Variants in PCDHGA8 observed in about 807,000 individuals in gnomAD.
PCDHGA8 encodes the protein protocadherin gamma subfamily A, 8, also known as protocadherin gamma-A8.
Under a neutral mutation model 59.2 loss-of-function variants are expected in PCDHGA8, and 45 were observed. That is an observed-to-expected ratio of 0.76 (90% confidence interval 0.60 to 0.98). The LOEUF (loss-of-function observed/expected upper bound fraction) is 0.98. Among genes scored for constraint, PCDHGA8 ranks in the 50% least tolerant of loss-of-function variants. The pLI is 0.00. For synonymous variants in PCDHGA8, 531 were observed against 519.0 expected (o/e 1.02, Z -0.32); for missense variants, 1,257 against 1,196.2 (o/e 1.05, Z -0.75).
chr5:141,465,800 C>G (rs1486100601), intron 1 of PCDHGA8, among the ~76,000 whole-genome samples: 2 of 151,524 alleles, frequency 1.3e-5, no homozygotes, highest in East Asian at 3.9e-4. Flanking sequence ...TTTAAGAAAC[C>G]CTTCAGGATC....
chr5:141,478,977 T>G (rs1004184325), intron 1 of PCDHGA8, among the ~76,000 whole-genome samples: 12 of 152,210 alleles, frequency 7.9e-5, no homozygotes, highest in Admixed American at 5.2e-4. Flanking sequence ...TTCAAGTGAT[T>G]GTGACATTTG....
Position 141,511,390 on chromosome 5 carries a change from C to T in PCDHGA8, c.*217C>T, listed in dbSNP as rs2099883760. 1.8e-6 allele frequency: 2 copies of T among 1,101,460 alleles called. No individual in the cohort carries two copies. Among genetic ancestry groups the T allele is most frequent in the Admixed American group, 2.9e-5 (1 of 34,440 alleles). The allele number at this position is 1,101,460 out of a possible 1,614,324, so 68.2% of individuals were successfully genotyped here. A position where few individuals can be genotyped will look rare whatever the true frequency, so the allele number is the denominator to read the frequency against. On this transcript the variant is annotated 3_prime_UTR_variant, in exon 4 of 4. Transcript: ENST00000398604. ...ATGCAAAAGCAGTTCCGCTGGGAAC[C>T]CCCATCCAATCAACTGCTGTACCCA... is the stretch of plus-strand genomic sequence containing the variant.
chr5:141,421,243 C>T (rs201273667), intron 1 of PCDHGA8: 12 of 1,601,540 alleles, frequency 7.5e-6, no homozygotes, highest in Non-Finnish European at 1.0e-5. Flanking sequence ...GAATCGGCTA[C>T]AGCGCGGGGA....
rs1414210927 is a variant in PCDHGA8, at chr5:141,477,460, C to G, written c.2425-17347C>G. 1.9e-6 allele frequency: 3 copies of G among 1,614,014 alleles called. No homozygotes were observed. The highest frequency in any genetic ancestry group is 2.5e-6 in the Non-Finnish European group (3 of 1,180,028). On this transcript the variant is annotated intron_variant, in intron 1 of 3. Transcript: ENST00000398604. The surrounding 1 kb of genome is among the most constrained non-coding windows in gnomAD (Gnocchi z 4.9). ...TTACAATAGTGCGTGTTCAAGTGTC[C>G]GACATCAATGACAACCCTCCACAAT...
Position 141,395,065 on chromosome 5 carries a change from A to G in PCDHGA8, c.2252A>G (p.Gln751Arg). The change falls in exon 1 of 4, where the codon CAG becomes CGG. Residue 751 changes from glutamine (Q) to arginine (R), a missense_variant. Physicochemically the swap from Gln to Arg is conservative, Grantham distance 43. Transcript: ENST00000398604. ...GTTGAGGAGGTACAGGCTTTCCTGC[A>G]GACCTATTCCCAGGAAGTCTCCCTC... The part of the protein sequence containing the change: ...VGVEEVQAFL[Q>R]TYSQEVSLTA... 1 of 1,614,132 alleles carries G rather than the reference A, an allele frequency of 6.2e-7. No homozygotes were observed. Among genetic ancestry groups the G allele is most frequent in the South Asian group, 1.1e-5 (1 of 91,078 alleles).
At position 141,511,199 on chromosome 5, in the gene PCDHGA8, G is replaced by C. The variant is rs1303066281; in HGVS notation, c.*26G>C. On this transcript the variant is annotated 3_prime_UTR_variant, in exon 4 of 4. Coordinates refer to ENST00000398604, the MANE Select transcript of PCDHGA8 (RefSeq NM_032088.2). The stretch of plus-strand genomic sequence containing the variant: ...CATGGAGGCCAGGCCAAGAGCCACA[G>C]GGCGGCCTCTCCCCAACCAGCCCAG... 6.2e-6 allele frequency: 10 copies of C among 1,612,868 alleles called. No individual in the cohort carries two copies. In the East Asian group the frequency reaches 2.2e-4, roughly 36 times the overall value.
chr5:141,433,194 A>G (rs1170543558), intron 1 of PCDHGA8: 18 of 1,585,754 alleles, frequency 1.1e-5, no homozygotes, highest in Non-Finnish European at 1.5e-5. Context: ...GTGAGTTTAT[A>G]TCAAATCTTC....
intron 1 of PCDHGA8, chr5:141,423,330 C>G (rs932335651): frequency 9.9e-6 from 16 of 1,614,056 alleles, no homozygotes; most frequent in Middle Eastern, 1.6e-4. Flanking sequence ...TGGCCGCAGT[C>G]TCCTGCATCT....
chr5:141,393,268 A>C lies in PCDHGA8; in HGVS notation c.455A>C (p.Tyr152Ser). Residue 152 changes from tyrosine (Y) to serine (S), a missense_variant, in exon 1 of 4, where the codon TAT becomes TCT. By Grantham distance (144) the Tyr-to-Ser change is moderately radical (BLOSUM62 -2). Coordinates refer to ENST00000398604, the MANE Select transcript of PCDHGA8 (RefSeq NM_032088.2). ...INEIAVPGAR[Y>S]PLPEAVDPDV... ...GAAATCGCGGTTCCTGGAGCACGTT[A>C]TCCACTCCCAGAAGCTGTTGACCCG... 6.2e-7 allele frequency: 1 copy of C among 1,613,946 alleles called. No individual in the cohort carries two copies. Among genetic ancestry groups the C allele is most frequent in the South Asian group, 1.1e-5 (1 of 91,088 alleles).
intron 3 of PCDHGA8, chr5:141,507,213 G>C (rs1016967764): frequency 6.6e-6 from 1 of 152,558 alleles, no homozygotes; most frequent in African/African-American, 2.4e-5. Context: ...AGGGTTGCCA[G>C]ATAAAATACA....
chr5:141,415,077 A>C, intron 1 of PCDHGA8: 2 of 1,613,468 alleles, frequency 1.2e-6, no homozygotes, highest in Non-Finnish European at 1.7e-6. Flanking sequence ...GCACGGCGCG[A>C]GCCCTGCTGG....
chr5:141,495,005 C>A, intron 2 of PCDHGA8, 140 bp downstream of exon 2: 1 of 1,522,810 alleles, frequency 6.6e-7, no homozygotes. Context: ...TCTTGGTGTG[C>A]GGGGGGCTGG....
chr5:141,511,265 A>G lies in PCDHGA8; in HGVS notation c.*92A>G. On this transcript the variant is annotated 3_prime_UTR_variant, in exon 4 of 4. Coordinates refer to ENST00000398604, the MANE Select transcript of PCDHGA8 (RefSeq NM_032088.2). ...ACCCAGGCCTCAGAGTTTCAGGGCT[A>G]ACCCCCAGAATACTGGTAGGGGCCA... The G allele has an allele frequency of 6.4e-7, 1 of 1,551,730 alleles. No individual in the cohort carries two copies. Among genetic ancestry groups the G allele is most frequent in the South Asian group, 1.2e-5 (1 of 83,132 alleles).
intron 1 of PCDHGA8, chr5:141,478,153 T>G (rs1477175391): frequency 3.1e-6 from 5 of 1,613,934 alleles, no homozygotes; most frequent in Middle Eastern, 1.6e-4. Flanking sequence ...AGTTCCCCTC[T>G]GGCTCTGCCC....
rs754747902 is a variant in PCDHGA8 at position 141,417,898 on chromosome 5, G to T, written c.2424+22661G>T. The T allele has an allele frequency of 5.5e-5, 87 of 1,579,262 alleles. 1 individual carries two copies. The South Asian group carries it at 7.8e-4, about 14-fold the overall frequency. The stretch of plus-strand genomic sequence containing the variant: ...GCGCGCAGAGGCGCCGGGCCGGCCC[G>T]CGGCAGGTACTATTTCCTTTGCTGC... On this transcript the variant is annotated intron_variant, in intron 1 of 3. Coordinates refer to ENST00000398604, the MANE Select transcript of PCDHGA8 (RefSeq NM_032088.2).
Position 141,511,029 on chromosome 5 carries a change from G to A in PCDHGA8, c.2655G>A (p.Leu885=), listed in dbSNP as rs1372346241. The part of the protein sequence containing the change: ...LSARYGPQFT[L]QHVPDYRQNV... ...CCCGCTACGGACCCCAGTTCACCCT[G>A]CAGCACGTGCCCGACTACCGCCAGA... The change falls in exon 4 of 4, where the codon CTG becomes CTA. Residue 885 remains leucine, a synonymous_variant. Transcript: ENST00000398604. 6.2e-7 allele frequency: 1 copy of A among 1,614,078 alleles called. No individual in the cohort carries two copies. Among genetic ancestry groups the A allele is most frequent in the Non-Finnish European group, 8.5e-7 (1 of 1,180,032 alleles).
intron 1 of PCDHGA8, among the ~76,000 whole-genome samples, chr5:141,455,860 A>T (rs1032468147): frequency 1.4e-5 from 2 of 139,848 alleles, no homozygotes; most frequent in South Asian, 2.3e-4. Context: ...AATTTCTTTT[A>T]TTATTTATTT....
At chr5:141,418,732 G>A (rs747081573) in intron 1 of PCDHGA8, 1 of 1,613,994 alleles carries the variant, frequency 6.2e-7, no homozygotes, top group Non-Finnish European at 8.5e-7. Flanking sequence ...CTCAGCACGT[G>A]TTCTCTCTGG....
intron 1 of PCDHGA8, among the ~76,000 whole-genome samples, chr5:141,438,623 T>C (rs1485045684): frequency 2.3e-4 from 10 of 42,840 alleles, no homozygotes; most frequent in Non-Finnish European, 3.8e-4. Flanking sequence ...TATATATATA[T>C]ATATATATAT....
Sources: gnomAD v4.1 joint callset for allele counts (sites outside exome capture counted in the v4.1 genomes callset) on GRCh38, gnomAD v4.1.1 for gene constraint, Gnocchi (gnomAD v3.1) non-coding constraint, MANE v1.5 for transcripts, NCBI Gene and HGNC (gene_info 2026-07-23, HGNC 2026-07-21) for gene names.